Variants in LDB2 observed in about 807,000 individuals in gnomAD.
The protein encoded by LDB2 is LIM domain binding 2.
In LDB2, 12 loss-of-function variants were observed where a neutral mutation model predicts 44.3. The ratio of observed to expected loss-of-function variants is 0.27; its 90% confidence interval spans 0.17 to 0.44. The LOEUF is 0.44. Among genes scored for constraint, LDB2 ranks in the 20% least tolerant of loss-of-function variants. The probability of loss-of-function intolerance (pLI) is 1.00; values close to 1 mark genes in which losing one functional copy is unlikely to be tolerated. For missense variants in LDB2, 344 were observed against 473.5 expected, an observed-to-expected ratio of 0.73 and a Z score of 2.54; for synonymous variants, 164 against 174.8, an observed-to-expected ratio of 0.94 and a Z score of 0.49.
At chr4:16,505,873 G>T in intron 7 of LDB2, 1 of 1,551,020 alleles carries the variant, frequency 6.4e-7, no homozygotes, top group Non-Finnish European at 8.7e-7. Flanking sequence ...TCCTTTCAGG[G>T]CCCCTCAATG....
At chr4:16,886,577 C>T (rs1290044602) in intron 1 of LDB2, among the ~76,000 whole-genome samples, 1 of 152,114 alleles carries the variant, frequency 6.6e-6, no homozygotes, top group Non-Finnish European at 1.5e-5. Context: ...TTCACAAATA[C>T]TCTACATTAA....
chr4:16,569,627 A>C (rs1003132498), intron 5 of LDB2, among the ~76,000 whole-genome samples: 2 of 152,170 alleles, frequency 1.3e-5, no homozygotes, highest in Non-Finnish European at 2.9e-5. Context: ...ATCCTATACC[A>C]GTAGGCAGAT....
chr4:16,517,694 G>T (rs1160797997), intron 5 of LDB2, among the ~76,000 whole-genome samples: 1 of 152,186 alleles, frequency 6.6e-6, no homozygotes, highest in African/African-American at 2.4e-5. Context: ...AGTCCAGATA[G>T]GATCCCTAAG....
chr4:16,580,514 G>A lies in LDB2; in HGVS notation c.615+5408C>T, dbSNP rs571722443. Among the ~76,000 whole-genome samples, 8 of 152,274 alleles carry A rather than the reference G, an allele frequency of 5.3e-5. No individual in the cohort carries two copies. The East Asian group carries it at 1.5e-3, about 29-fold the overall frequency. ...CAGTATCTTAAATTCCTTTAAAAAAGAGAATGTGCCTTAGGCATTCTTGTA... is the reference window on the plus strand; with the variant it reads ...CAGTATCTTAAATTCCTTTAAAAAAAAGAATGTGCCTTAGGCATTCTTGTA... On this transcript the variant is annotated intron_variant, in intron 5 of 7. Transcript: ENST00000304523.
intron 2 of LDB2, among the ~76,000 whole-genome samples, chr4:16,707,792 G>A (rs1754939157): frequency 6.6e-6 from 1 of 152,022 alleles, no homozygotes; most frequent in Admixed American, 6.6e-5. Context: ...TAAAATCTGG[G>A]TGATTGATTT....
intron 2 of LDB2, among the ~76,000 whole-genome samples, chr4:16,701,210 C>T (rs1034781526): frequency 2.0e-5 from 3 of 152,176 alleles, no homozygotes; most frequent in African/African-American, 7.2e-5. Context: ...TACCTGATTC[C>T]TTAGAAGGCA....
chr4:16,817,831 G>A (rs925311961), intron 1 of LDB2, among the ~76,000 whole-genome samples: 3 of 152,060 alleles, frequency 2.0e-5, no homozygotes, highest in African/African-American at 7.2e-5. Flanking sequence ...TCCAGAATTT[G>A]TATCATGCTG....
At chr4:16,777,229 T>A (rs1772125286) in intron 1 of LDB2, among the ~76,000 whole-genome samples, 1 of 151,990 alleles carries the variant, frequency 6.6e-6, no homozygotes, top group African/African-American at 2.4e-5. Flanking sequence ...AAATTACACC[T>A]GGGATGAATG....
chr4:16,740,317 T>C (rs558851666), intron 2 of LDB2, among the ~76,000 whole-genome samples: 22 of 152,372 alleles, frequency 1.4e-4, no homozygotes, highest in Non-Finnish European at 2.6e-4. Flanking sequence ...TCTTTTTGCA[T>C]TCAGTTATAT....
At chr4:16,780,308 C>T (rs1400694920) in intron 1 of LDB2, among the ~76,000 whole-genome samples, 2 of 152,090 alleles carry the variant, frequency 1.3e-5, no homozygotes, top group Non-Finnish European at 2.9e-5. Flanking sequence ...CTGCAACCTC[C>T]GCCTCCCAGG....
chr4:16,505,497 A>G (rs530546513), intron 7 of LDB2, among the ~76,000 whole-genome samples: 1 of 152,156 alleles, frequency 6.6e-6, no homozygotes, highest in Non-Finnish European at 1.5e-5. Context: ...AAGCCTCTAG[A>G]CTAGGATAGT....
chr4:16,635,800 A>G (rs761059933), intron 2 of LDB2, among the ~76,000 whole-genome samples: 1 of 152,170 alleles, frequency 6.6e-6, no homozygotes, highest in Non-Finnish European at 1.5e-5. Context: ...CTAATCTTCT[A>G]TCAGTTAGCA....
At chr4:16,891,399 G>A (rs1021768166) in intron 1 of LDB2, among the ~76,000 whole-genome samples, 3 of 139,296 alleles carry the variant, frequency 2.2e-5, no homozygotes, top group Non-Finnish European at 1.5e-5. Flanking sequence ...TGCAGCCTCC[G>A]TCTCCCAGGT....
chr4:16,747,327 A>C (rs2109071101), intron 2 of LDB2, among the ~76,000 whole-genome samples: 1 of 152,368 alleles, frequency 6.6e-6, no homozygotes, highest in South Asian at 2.1e-4. Flanking sequence ...TTTTATAAGA[A>C]ATACATTCCA....
chr4:16,758,257 T>C (rs1767089949), intron 2 of LDB2, among the ~76,000 whole-genome samples: 1 of 152,202 alleles, frequency 6.6e-6, no homozygotes, highest in Non-Finnish European at 1.5e-5. Context: ...ATCATACATA[T>C]CAAGAACCCT....
intron 2 of LDB2, among the ~76,000 whole-genome samples, chr4:16,734,708 T>TC (rs1561036711): frequency 2.4e-5 from 1 of 42,468 alleles, no homozygotes; most frequent in Non-Finnish European, 5.4e-5. Context: ...GTTTTCTTTT[T>TC]TTTTTTTTTT....
chr4:16,805,343 AGC>A (rs1778579698), intron 1 of LDB2, among the ~76,000 whole-genome samples: 1 of 152,262 alleles, frequency 6.6e-6, no homozygotes, highest in Non-Finnish European at 1.5e-5. Flanking sequence ...TTTCTATATC[AGC>A]AAGTGTTTAT....
chr4:16,550,273 CA>C (rs938120902), intron 5 of LDB2, among the ~76,000 whole-genome samples: 2 of 152,210 alleles, frequency 1.3e-5, no homozygotes, highest in African/African-American at 4.8e-5. Flanking sequence ...CCCATCTCTG[CA>C]GTTTCCTTCC....
chr4:16,697,417 G>A (rs755770265), intron 2 of LDB2, among the ~76,000 whole-genome samples: 3 of 150,982 alleles, frequency 2.0e-5, no homozygotes, highest in African/African-American at 2.4e-5. Context: ...AGCTGAGATC[G>A]CACCACTGCA....
Sources: gnomAD v4.1 joint callset for allele counts (sites outside exome capture counted in the v4.1 genomes callset) on GRCh38, gnomAD v4.1.1 for gene constraint, MANE v1.5 for transcripts, NCBI Gene and HGNC (gene_info 2026-07-23, HGNC 2026-07-21) for gene names.